The following COBL variants were observed in gnomAD, a reference collection of about 807,000 sequenced individuals.
The protein encoded by COBL is cordon-bleu WH2 repeat protein.
In COBL, 51 loss-of-function variants were observed where a neutral mutation model predicts 98.8. The observed-to-expected ratio is 0.52, with a 90% CI of 0.41 to 0.65. The LOEUF (loss-of-function observed/expected upper bound fraction) is 0.65. Ranked by LOEUF, COBL falls within the 30% of genes least tolerant of loss-of-function variation. The pLI is 0.00. For synonymous variants in COBL, 634 were observed against 651.7 expected (o/e 0.97, Z 0.41); for missense variants, 1,617 against 1,617.5 (o/e 1.00, Z 0.01).
rs1796822523 is a variant in COBL, at chr7:51,252,590, T to A, written c.42-32646A>T. 2.0e-5 allele frequency among the ~76,000 whole-genome samples: 3 copies of A among 152,312 alleles called. No individual in the cohort carries two copies. In the South Asian group the frequency reaches 6.2e-4, roughly 32 times the overall value. ...TGTTTTGAAAAAGACTCTCAATTTG[T>A]TCAACTGTTTCTTCATAATTCAGAT... On this transcript the variant is annotated intron_variant, in intron 1 of 12. Transcript: ENST00000265136.
Position 51,169,963 on chromosome 7 carries a change from T to C in COBL, c.783+14139A>G, listed in dbSNP as rs192791763. 1.2e-4 allele frequency among the ~76,000 whole-genome samples: 19 copies of C among 152,242 alleles called. No individual in the cohort carries two copies. In the East Asian group the frequency reaches 3.7e-3, roughly 29 times the overall value. On this transcript the variant is annotated intron_variant, in intron 5 of 12. Transcript: ENST00000265136. The stretch of plus-strand genomic sequence containing the variant: ...ATCTCCTGTACCCCATAAATATATA[T>C]ACCTAGTCTATACCCACAATTAAAA...
At chr7:51,313,795 A>G (rs535975111) in intron 1 of COBL, among the ~76,000 whole-genome samples, 19 of 152,254 alleles carry the variant, frequency 1.2e-4, no homozygotes, top group Non-Finnish European at 2.4e-4. Context: ...GTAAACAGAT[A>G]AAGTAGAGAG....
intron 7 of COBL, among the ~76,000 whole-genome samples, chr7:51,061,946 TAGATAC>T (rs1200210413): frequency 7.3e-5 from 7 of 96,144 alleles, no homozygotes; most frequent in East Asian, 2.4e-4. Flanking sequence ...CTCCCCACCA[TAGATAC>T]ACACACACAC....
intron 2 of COBL, among the ~76,000 whole-genome samples, chr7:51,204,577 G>C (rs1469135751): frequency 7.4e-6 from 1 of 134,890 alleles, no homozygotes; most frequent in African/African-American, 2.9e-5. Flanking sequence ...TTTTAAGACA[G>C]AGTCTCACTC....
At chr7:51,048,066 T>C (rs1054611444) in intron 7 of COBL, among the ~76,000 whole-genome samples, 6 of 152,036 alleles carry the variant, frequency 3.9e-5, no homozygotes, top group African/African-American at 7.2e-5. Flanking sequence ...ACTCGGGAAG[T>C]TGAGGCAGAG....
intron 7 of COBL, chr7:51,072,300 A>G (rs1792639779): frequency 2.0e-5 from 3 of 152,240 alleles, no homozygotes; most frequent in South Asian, 4.1e-4. Context: ...GAATTTTAAC[A>G]TATGACTATT....
chr7:51,294,518 C>T (rs1801223443), intron 1 of COBL, among the ~76,000 whole-genome samples: 3 of 151,258 alleles, frequency 2.0e-5, no homozygotes, highest in South Asian at 2.1e-4. Flanking sequence ...AGGCACATGC[C>T]TATAATCCCA....
intron 4 of COBL, among the ~76,000 whole-genome samples, chr7:51,187,325 T>TACACACAC (rs1343238685): frequency 4.4e-5 from 6 of 136,192 alleles, no homozygotes; most frequent in African/African-American, 1.9e-4. Context: ...TATATATATA[T>TACACACAC]ATATATACAC....
At position 51,136,202 on chromosome 7, in the gene COBL, G is replaced by A; in HGVS notation, c.913C>T (p.Pro305Ser). 6.2e-7 allele frequency: 1 copy of A among 1,613,058 alleles called. No individual in the cohort carries two copies. Among genetic ancestry groups the A allele is most frequent in the Non-Finnish European group, 8.5e-7 (1 of 1,180,026 alleles). ...SEMKKRRAPP[P>S]PGSGPPVQDK... ...TGCACAGGTGGCCCTGAACCTGGAG[G>A]AGGAGGGGCTCGGCGCTTCTTCATC... is the stretch of plus-strand genomic sequence containing the variant. Residue 305 changes from proline (P) to serine (S), a missense_variant, in exon 6 of 13, where the codon CCT becomes TCT. Physicochemically the swap from Pro to Ser is moderately conservative, Grantham distance 74 (BLOSUM62 -1). Transcript: ENST00000265136.
rs373257500 is a variant in COBL at position 51,229,900 on chromosome 7, G to A, written c.42-9956C>T. On this transcript the variant is annotated intron_variant, in intron 1 of 12. Coordinates refer to ENST00000265136, the MANE Select transcript of COBL (RefSeq NM_015198.5). ...GGGCTCCCAGCTCCTGTCCAAGCAAGGGCCCGAAGGTCCCAGCAAGGGCAC... is the reference window on the plus strand; with the variant it reads ...GGGCTCCCAGCTCCTGTCCAAGCAAAGGCCCGAAGGTCCCAGCAAGGGCAC... Among the ~76,000 whole-genome samples, 56 of 152,264 alleles carry A rather than the reference G, an allele frequency of 3.7e-4. 1 individual carries two copies. In the South Asian group the frequency reaches 0.012, roughly 32 times the overall value.
At chr7:51,306,449 C>T (rs1204343708) in intron 1 of COBL, among the ~76,000 whole-genome samples, 1 of 152,180 alleles carries the variant, frequency 6.6e-6, no homozygotes, top group Non-Finnish European at 1.5e-5. Context: ...TTGAAGGAAG[C>T]TCGTTTATTG....
intron 1 of COBL, among the ~76,000 whole-genome samples, chr7:51,313,966 C>G (rs1166186008): frequency 2.6e-5 from 4 of 152,238 alleles, no homozygotes; most frequent in African/African-American, 9.6e-5. Context: ...TAAAAGAACA[C>G]TTTCCCCAGG....
chr7:51,093,123 C>T (rs1414420771), intron 6 of COBL, among the ~76,000 whole-genome samples: 4 of 152,018 alleles, frequency 2.6e-5, no homozygotes, highest in Non-Finnish European at 5.9e-5. Context: ...ATTTGCAAAC[C>T]ATATAGCTGA....
intron 1 of COBL, among the ~76,000 whole-genome samples, chr7:51,253,006 T>C (rs1796867703): frequency 6.6e-6 from 1 of 152,098 alleles, no homozygotes. Flanking sequence ...GCAGATCACC[T>C]GAGGTCAGGA....
At chr7:51,128,409 A>C (rs1190328220) in intron 6 of COBL, among the ~76,000 whole-genome samples, 1 of 152,104 alleles carries the variant, frequency 6.6e-6, no homozygotes, top group African/African-American at 2.4e-5. Flanking sequence ...TGGTTAAGAG[A>C]CATTGGAAGA....
At position 51,129,716 on chromosome 7, in the gene COBL, G is replaced by C. The variant is rs569258554; in HGVS notation, c.957+6442C>G. Among the ~76,000 whole-genome samples the C allele has an allele frequency of 3.3e-5, 5 of 152,162 alleles. No homozygotes were observed. The South Asian group carries it at 1.0e-3, about 32-fold the overall frequency. ...CATGGATGCAGTGACTGCCAAGCAG[G>C]GTCTGGTGCAGTGAGGAGGTGAACA... On this transcript the variant is annotated intron_variant, in intron 6 of 12. Transcript: ENST00000265136.
At chr7:51,251,375 T>G (rs1015076758) in intron 1 of COBL, among the ~76,000 whole-genome samples, 6 of 152,290 alleles carry the variant, frequency 3.9e-5, no homozygotes, top group Admixed American at 2.0e-4. Context: ...AGGGAACTTG[T>G]TGGTGAGAGA....
chr7:51,026,124 C>T (rs1017103022), intron 11 of COBL, among the ~76,000 whole-genome samples: 3 of 152,184 alleles, frequency 2.0e-5, no homozygotes, highest in Non-Finnish European at 4.4e-5. Context: ...GCCCTAAACT[C>T]GAGTCCATAC....
chr7:51,252,336 G>A (rs940195549), intron 1 of COBL, among the ~76,000 whole-genome samples: 19 of 152,130 alleles, frequency 1.2e-4, no homozygotes, highest in South Asian at 2.1e-4. Flanking sequence ...ATCCCCAAAG[G>A]AAATCCCAAA....
Sources: gnomAD v4.1 joint callset for allele counts (sites outside exome capture counted in the v4.1 genomes callset) on GRCh38, gnomAD v4.1.1 for gene constraint, MANE v1.5 for transcripts, NCBI Gene and HGNC (gene_info 2026-07-23, HGNC 2026-07-21) for gene names.